CDKL5: variants seen among roughly 807,000 people sequenced by gnomAD.
CDKL5 encodes cyclin-dependent kinase-like 5.
CDKL5 carries 8 observed loss-of-function variants against 61.7 expected under a neutral mutation model. That is an observed-to-expected ratio of 0.13 (90% confidence interval 0.08 to 0.23). The LOEUF (loss-of-function observed/expected upper bound fraction) is 0.23, where lower values mean the gene tolerates loss of function less well. Among genes scored for constraint, CDKL5 ranks in the 10% least tolerant of loss-of-function variants. The pLI is 1.00. For synonymous variants in CDKL5, 275 were observed against 272.3 expected, an observed-to-expected ratio of 1.01 and a Z score of -0.10; for missense variants, 440 against 734.5, an observed-to-expected ratio of 0.60 and a Z score of 4.63.
At chrX:18,478,114 T>C (rs776832767) in intron 1 of CDKL5, among the ~76,000 whole-genome samples, 2 of 111,378 alleles carry the variant, frequency 1.8e-5, no homozygotes, top group East Asian at 5.6e-4. Flanking sequence ...CAATGAATTC[T>C]CTCAAGTTTT....
In CDKL5 at chrX:18,629,512, C is replaced by T. The variant is rs1216689319; in HGVS notation, c.*755C>T. ...AAATATATTCATTTAAAGAAAGTAT[C>T]GTTATGACACTATCTGCCATATTTT... On this transcript the variant is annotated 3_prime_UTR_variant, in exon 18 of 18. Transcript: ENST00000623535. 1.5e-6 allele frequency: 1 copy of T among 652,935 alleles called. No individual in the cohort carries two copies. The highest frequency in any genetic ancestry group is 1.8e-6 in the Non-Finnish European group (1 of 548,103). The allele number at this position is 652,935 out of a possible 1,213,427, so 53.8% of individuals were successfully genotyped here.
In CDKL5 at chrX:18,637,642, A is replaced by G. The variant is rs1927432300; in HGVS notation, c.*8885A>G. ...GTCTTGGCTCCATCTCCTACATCTC[A>G]TGTGACTTGAAGCAAGGCACTTCAC... On this transcript the variant is annotated 3_prime_UTR_variant, in exon 18 of 18. Transcript: ENST00000623535. 9.0e-6 allele frequency: 1 copy of G among 111,218 alleles called. No individual in the cohort carries two copies. The highest frequency in any genetic ancestry group is 9.7e-5 in the Admixed American group (1 of 10,325). The allele number at this position is 111,218 out of a possible 1,213,427, so 9.2% of individuals were successfully genotyped here.
chrX:18,581,435 T>C lies in CDKL5; in HGVS notation c.404-456T>C, dbSNP rs368164816. Among the ~76,000 whole-genome samples the C allele has an allele frequency of 1.5e-4, 17 of 112,189 alleles. No individual in the cohort carries two copies. The East Asian group carries it at 4.2e-3, about 28-fold the overall frequency. On this transcript the variant is annotated intron_variant, in intron 6 of 17. Transcript: ENST00000623535. ...AATATAGAAATTATGTAGAAGAATG[T>C]AACAGAAAGCATGTCTTGTATGTCT...
intron 12 of CDKL5, among the ~76,000 whole-genome samples, chrX:18,606,797 C>T (rs1163121112): frequency 8.9e-6 from 1 of 112,141 alleles, no homozygotes; most frequent in African/African-American, 3.2e-5. Context: ...TTTGGAGTGG[C>T]TTTTGCAATA....
At chrX:18,462,162 A>G (rs762795154) in intron 1 of CDKL5, among the ~76,000 whole-genome samples, 5 of 109,253 alleles carry the variant, frequency 4.6e-5, no homozygotes, top group Admixed American at 9.9e-5. Context: ...AATTCTTCCA[A>G]TGTGGCCCAG....
chrX:18,552,814 G>A (rs1411501486), intron 3 of CDKL5, among the ~76,000 whole-genome samples: 1 of 111,121 alleles, frequency 9.0e-6, no homozygotes, highest in Non-Finnish European at 1.9e-5. Context: ...TAGAGAACAT[G>A]GCAAGGAGAG....
Position 18,647,153 on chromosome X carries a change from TA to T in CDKL5, c.2797+1067del, listed in dbSNP as rs1569230060. 6 of 1,203,045 alleles carry T rather than the reference TA, an allele frequency of 5.0e-6. No individual in the cohort carries two copies. The Admixed American group carries it at 1.3e-4, about 26-fold the overall frequency. Reference sequence around the variant, plus strand: ...GCTGGTAGAGAGGCCTATTTTTTTTTAAAAGCACATGAAAAAAAATCCCCGG... The same window carrying T: ...GCTGGTAGAGAGGCCTATTTTTTTTTAAAGCACATGAAAAAAAATCCCCGG... On this transcript the variant is annotated intron_variant, in intron 20 of 21. Coordinates refer to the CDKL5 transcript ENST00000379989.
At chrX:18,565,897 C>G (rs1464189784) in intron 4 of CDKL5, among the ~76,000 whole-genome samples, 3 of 111,726 alleles carry the variant, frequency 2.7e-5, no homozygotes, top group Non-Finnish European at 3.8e-5. Flanking sequence ...AGCAGTAGCT[C>G]CAGGCTATCC....
intron 20 of CDKL5, chrX:18,647,246 C>G (rs1386273674): frequency 8.3e-7 from 1 of 1,210,689 alleles, no homozygotes; most frequent in East Asian, 3.0e-5. Context: ...GAATACCAGC[C>G]CACATACTGC....
intron 4 of CDKL5, among the ~76,000 whole-genome samples, chrX:18,566,118 A>C (rs1421297616): frequency 8.9e-6 from 1 of 112,161 alleles, no homozygotes; most frequent in Admixed American, 9.4e-5. Context: ...ACTGTCATCA[A>C]ATTTTGTAAA....
At chrX:18,653,168 AG>A (rs2147200879) in intron 21 of CDKL5, among the ~76,000 whole-genome samples, 1 of 112,584 alleles carries the variant, frequency 8.9e-6, no homozygotes, top group Non-Finnish European at 1.9e-5. Context: ...TAGAATCAAA[AG>A]GAACCATTAG....
intron 9 of CDKL5, chrX:18,589,292 C>T (rs760058903): frequency 6.4e-5 from 7 of 109,785 alleles, no homozygotes; most frequent in Admixed American, 9.8e-5. Flanking sequence ...TTTCCCCCCT[C>T]CCCCAACCCC....
At chrX:18,533,853 C>G (rs1293056411) in intron 3 of CDKL5, among the ~76,000 whole-genome samples, 1 of 112,118 alleles carries the variant, frequency 8.9e-6, no homozygotes. Context: ...CACTGGCCAT[C>G]TGTTAGCACA....
At chrX:18,536,776 G>A (rs1923854548) in intron 3 of CDKL5, among the ~76,000 whole-genome samples, 1 of 110,522 alleles carries the variant, frequency 9.0e-6, no homozygotes, top group Non-Finnish European at 1.9e-5. Flanking sequence ...CAACCTGTGT[G>A]TCTCCCTCCT....
intron 11 of CDKL5, among the ~76,000 whole-genome samples, chrX:18,599,936 G>A (rs1056176782): frequency 1.8e-5 from 2 of 110,068 alleles, no homozygotes; most frequent in Non-Finnish European, 3.8e-5. Context: ...CCTGGCAAGC[G>A]ATCCTCCCAC....
chrX:18,575,329 C>A (rs1925259718), intron 4 of CDKL5, 25 bp from the exon 5 acceptor site: 7 of 1,196,324 alleles, frequency 5.9e-6, no homozygotes, highest in Non-Finnish European at 7.9e-6. Flanking sequence ...TCATTTTAGT[C>A]TCTTCACCAT....
chrX:18,597,313 C>G (rs1312408297), intron 10 of CDKL5, among the ~76,000 whole-genome samples: 1 of 110,331 alleles, frequency 9.1e-6, no homozygotes, highest in African/African-American at 3.3e-5. Flanking sequence ...TTGCCATTCT[C>G]TAAAGCTGCC....
intron 9 of CDKL5, among the ~76,000 whole-genome samples, chrX:18,593,253 T>G (rs1478602790): frequency 8.9e-6 from 1 of 112,309 alleles, no homozygotes; most frequent in African/African-American, 3.2e-5. Flanking sequence ...ATTTGTTGAA[T>G]TATTTCATAT....
At chrX:18,448,996 A>C (rs762913294) in intron 1 of CDKL5, among the ~76,000 whole-genome samples, 34 of 111,657 alleles carry the variant, frequency 3.0e-4, no homozygotes, top group South Asian at 7.5e-4. Context: ...CTGGGATTAC[A>C]GGCGCCCGCC....
Sources: gnomAD v4.1 joint callset for allele counts (sites outside exome capture counted in the v4.1 genomes callset) on GRCh38, gnomAD v4.1.1 for gene constraint, MANE v1.5 for transcripts, NCBI Gene and HGNC (gene_info 2026-07-23, HGNC 2026-07-21) for gene names.